Variants in CDKAL1 observed in about 807,000 individuals in gnomAD.
CDKAL1 encodes threonylcarbamoyladenosine tRNA methylthiotransferase.
In CDKAL1, 32 loss-of-function variants were observed where a neutral mutation model predicts 68.2. The observed-to-expected ratio is 0.47, with a 90% confidence interval of 0.35 to 0.63. CDKAL1 has a LOEUF of 0.63. Ranked by LOEUF, CDKAL1 falls within the 30% of genes least tolerant of loss-of-function variation. The pLI is 0.00. For synonymous variants in CDKAL1, 234 were observed against 244.3 expected (o/e 0.96, Z 0.39); for missense variants, 606 against 696.7 (o/e 0.87, Z 1.47).
At chr6:20,948,739 C>T (rs1172656875) in intron 9 of CDKAL1, among the ~76,000 whole-genome samples, 1 of 152,120 alleles carries the variant, frequency 6.6e-6, no homozygotes, top group Admixed American at 6.5e-5. Flanking sequence ...TGTATTTTCT[C>T]TAGGGGTATT....
chr6:20,569,143 G>A (rs1271211236), intron 4 of CDKAL1, among the ~76,000 whole-genome samples: 1 of 152,202 alleles, frequency 6.6e-6, no homozygotes, highest in Admixed American at 6.5e-5. Context: ...ACTGTTAGAT[G>A]TAAAACGTTG....
At chr6:20,726,190 C>G (rs1581455267) in intron 5 of CDKAL1, among the ~76,000 whole-genome samples, 1 of 152,078 alleles carries the variant, frequency 6.6e-6, no homozygotes, top group Non-Finnish European at 1.5e-5. Flanking sequence ...TAACCTTGGT[C>G]TCCACAACCC....
At chr6:20,958,793 T>C (rs1282825121) in intron 10 of CDKAL1, among the ~76,000 whole-genome samples, 1 of 152,190 alleles carries the variant, frequency 6.6e-6, no homozygotes, top group Non-Finnish European at 1.5e-5. Context: ...CAACAGACTT[T>C]AATTAGAGAG....
At chr6:20,560,726 G>A (rs1764233750) in intron 4 of CDKAL1, among the ~76,000 whole-genome samples, 1 of 152,172 alleles carries the variant, frequency 6.6e-6, no homozygotes, top group Admixed American at 6.6e-5. Flanking sequence ...ATGTTTGATG[G>A]TTAAGGGGGA....
chr6:20,930,861 C>T (rs1763412617), intron 9 of CDKAL1, among the ~76,000 whole-genome samples: 1 of 151,938 alleles, frequency 6.6e-6, no homozygotes, highest in African/African-American at 2.4e-5. Context: ...TCTGCTGCCT[C>T]AGCCTCCCGA....
intron 4 of CDKAL1, among the ~76,000 whole-genome samples, chr6:20,640,114 C>T (rs917174067): frequency 6.6e-6 from 1 of 152,148 alleles, no homozygotes; most frequent in African/African-American, 2.4e-5. Context: ...TATGGGTAAA[C>T]GTACTGCACA....
chr6:20,829,288 G>A (rs568389883), intron 8 of CDKAL1, among the ~76,000 whole-genome samples: 1 of 152,274 alleles, frequency 6.6e-6, no homozygotes, highest in Admixed American at 6.5e-5. Flanking sequence ...GTTTTCCTCA[G>A]CAGCTACACA....
chr6:21,127,959 C>G (rs1582256987), intron 13 of CDKAL1, among the ~76,000 whole-genome samples: 1 of 152,168 alleles, frequency 6.6e-6, no homozygotes, highest in Non-Finnish European at 1.5e-5. Flanking sequence ...TCTTTGATCA[C>G]TGGTTTTGTT....
At chr6:20,739,253 A>G (rs1773337205) in intron 5 of CDKAL1, among the ~76,000 whole-genome samples, 2 of 151,396 alleles carry the variant, frequency 1.3e-5, no homozygotes, top group Non-Finnish European at 1.5e-5. Context: ...GGAATAAAGT[A>G]AAAAATAATG....
intron 5 of CDKAL1, among the ~76,000 whole-genome samples, chr6:20,673,488 A>G (rs142849325): frequency 6.6e-6 from 1 of 152,350 alleles, no homozygotes; most frequent in African/African-American, 2.4e-5. Flanking sequence ...TAGTACGGAC[A>G]CAGTTGTTTT....
intron 13 of CDKAL1, 24 bp from the exon 14 acceptor site, chr6:21,197,997 C>T (rs1415773146): frequency 6.7e-7 from 1 of 1,497,770 alleles, no homozygotes; most frequent in Non-Finnish European, 9.2e-7. Context: ...TCTTTCCTTT[C>T]TTTCCCTCCC....
chr6:20,702,214 G>C (rs1771395608), intron 5 of CDKAL1, among the ~76,000 whole-genome samples: 1 of 152,172 alleles, frequency 6.6e-6, no homozygotes, highest in Non-Finnish European at 1.5e-5. Flanking sequence ...GAACCTCTAG[G>C]GGAGCATACA....
chr6:20,772,775 A>C (rs1311660417), intron 7 of CDKAL1: 2 of 152,110 alleles, frequency 1.3e-5, no homozygotes, highest in East Asian at 1.9e-4. Flanking sequence ...GTACAGCAGG[A>C]GTTTTGATAT....
intron 4 of CDKAL1, among the ~76,000 whole-genome samples, chr6:20,549,041 G>A (rs928365425): frequency 2.0e-5 from 3 of 152,116 alleles, no homozygotes; most frequent in South Asian, 2.1e-4. Context: ...ACTGTAGATC[G>A]TATTTGAATT....
chr6:20,817,992 C>A (rs1777117232), intron 8 of CDKAL1, among the ~76,000 whole-genome samples: 1 of 152,150 alleles, frequency 6.6e-6, no homozygotes, highest in Non-Finnish European at 1.5e-5. Context: ...GAGCCTTTTC[C>A]TTCCACTCTG....
At position 20,819,266 on chromosome 6, in the gene CDKAL1, C is replaced by T. The variant is rs112816898; in HGVS notation, c.639-26809C>T. 4.4e-3 allele frequency among the ~76,000 whole-genome samples: 669 copies of T among 151,988 alleles called. 3 individuals carry two copies. Among genetic ancestry groups the T allele is most frequent in the African/African-American group, 0.015 (642 of 41,458 alleles). On this transcript the variant is annotated intron_variant, in intron 8 of 15. Transcript: ENST00000274695. Reference sequence around the variant, plus strand: ...TAATGGATAGTTTTGGCCAAGGTGACAGTCTTCTGGGATGTCCTAATAATT... The same window carrying T: ...TAATGGATAGTTTTGGCCAAGGTGATAGTCTTCTGGGATGTCCTAATAATT...
At chr6:20,629,692 C>A (rs1767588360) in intron 4 of CDKAL1, among the ~76,000 whole-genome samples, 1 of 152,022 alleles carries the variant, frequency 6.6e-6, no homozygotes, top group South Asian at 2.1e-4. Context: ...TCTTTGACAC[C>A]CCAGGCCAGG....
At chr6:20,717,460 A>C (rs760122258) in intron 5 of CDKAL1, among the ~76,000 whole-genome samples, 5 of 151,608 alleles carry the variant, frequency 3.3e-5, no homozygotes, top group African/African-American at 7.3e-5. Flanking sequence ...CAGCTGATCT[A>C]TTGTAACAGG....
intron 9 of CDKAL1, among the ~76,000 whole-genome samples, chr6:20,912,707 A>G (rs1190880169): frequency 1.3e-5 from 2 of 152,152 alleles, no homozygotes; most frequent in Non-Finnish European, 1.5e-5. Flanking sequence ...TAATTTAGCT[A>G]TCTATTGCTA....
Sources: gnomAD v4.1 joint callset for allele counts (sites outside exome capture counted in the v4.1 genomes callset) on GRCh38, gnomAD v4.1.1 for gene constraint, MANE v1.5 for transcripts, NCBI Gene and HGNC (gene_info 2026-07-23, HGNC 2026-07-21) for gene names.